The following FGF13 variants were observed in gnomAD, a reference collection of about 807,000 sequenced individuals.
FGF13 encodes the protein fibroblast growth factor homologous factor 2.
In FGF13, 2 loss-of-function variants were observed where a neutral mutation model predicts 19.5. That is an observed-to-expected ratio of 0.10 (90% CI 0.04 to 0.32). The LOEUF (loss-of-function observed/expected upper bound fraction) is 0.32. Among genes scored for constraint, FGF13 ranks in the 10% least tolerant of loss-of-function variants. The probability of loss-of-function intolerance (pLI) is 1.00; values close to 1 mark genes in which losing one functional copy is unlikely to be tolerated. For synonymous variants in FGF13, 72 were observed against 76.9 expected, an observed-to-expected ratio of 0.94 and a Z score of 0.33; for missense variants, 113 against 192.7, an observed-to-expected ratio of 0.59 and a Z score of 2.45.
At chrX:138,915,527 A>AT (rs2091613451) in intron 1 of FGF13, among the ~76,000 whole-genome samples, 1 of 111,002 alleles carries the variant, frequency 9.0e-6, no homozygotes, top group African/African-American at 3.3e-5. Context: ...ACTTTCCCTC[A>AT]TTTTTTCAAG....
chrX:138,834,690 T>G (rs777697530), intron 3 of FGF13, among the ~76,000 whole-genome samples: 2 of 111,241 alleles, frequency 1.8e-5, no homozygotes, highest in South Asian at 7.7e-4. Flanking sequence ...ATTTCTTGTC[T>G]TCTACTAGCT....
At chrX:139,162,435 AC>A (rs1376988901) in intron 1 of FGF13, among the ~76,000 whole-genome samples, 2 of 112,251 alleles carry the variant, frequency 1.8e-5, no homozygotes, top group Non-Finnish European at 3.8e-5. Context: ...AACCATGAAC[AC>A]CCTAGAAGAA....
intron 1 of FGF13, among the ~76,000 whole-genome samples, chrX:139,001,269 G>C (rs2092071912): frequency 9.0e-6 from 1 of 111,590 alleles, no homozygotes; most frequent in Non-Finnish European, 1.9e-5. Flanking sequence ...TCAGGACTTA[G>C]GGATGTGCAA....
intron 1 of FGF13, among the ~76,000 whole-genome samples, chrX:139,109,356 G>C (rs1367530739): frequency 9.0e-6 from 1 of 111,552 alleles, no homozygotes; most frequent in Non-Finnish European, 1.9e-5. Flanking sequence ...TGTGGAGTAA[G>C]CACTTTATTA....
chrX:138,693,714 T>C (rs142785392), intron 3 of FGF13, among the ~76,000 whole-genome samples: 4,005 of 111,950 alleles, frequency 0.036, 146 homozygotes, highest in African/African-American at 0.12. Flanking sequence ...AATTAACTGA[T>C]ATATATCAAT....
intron 2 of FGF13, among the ~76,000 whole-genome samples, chrX:138,706,773 T>C (rs2089996409): frequency 8.9e-6 from 1 of 112,113 alleles, no homozygotes; most frequent in Non-Finnish European, 1.9e-5. Context: ...CCTTCTTGTT[T>C]CATGATGGCT....
intron 3 of FGF13, among the ~76,000 whole-genome samples, chrX:138,783,350 A>C (rs1330642182): frequency 9.6e-3 from 712 of 74,082 alleles, no homozygotes; most frequent in Admixed American, 0.011. Flanking sequence ...TGCACAGCAA[A>C]AGAAACTACC....
chrX:138,757,694 A>G (rs753546201), intron 3 of FGF13, among the ~76,000 whole-genome samples: 1 of 111,497 alleles, frequency 9.0e-6, no homozygotes, highest in African/African-American at 3.3e-5. Context: ...AAGGAAGACA[A>G]TATACTGAGT....
chrX:138,807,646 G>A (rs775327942), intron 3 of FGF13, among the ~76,000 whole-genome samples: 31 of 111,722 alleles, frequency 2.8e-4, no homozygotes, highest in Non-Finnish European at 4.9e-4. Context: ...GACACAGACT[G>A]GAAAACTGGA....
chrX:138,731,447 T>TA (rs531760267), intron 1 of FGF13, among the ~76,000 whole-genome samples: 980 of 91,406 alleles, frequency 0.011, 4 homozygotes, highest in Non-Finnish European at 0.016. Flanking sequence ...AAGTCATGAG[T>TA]AAAAAAAAAA....
intron 2 of FGF13, among the ~76,000 whole-genome samples, chrX:138,863,662 G>A (rs1340242780): frequency 8.9e-6 from 1 of 112,033 alleles, no homozygotes; most frequent in Non-Finnish European, 1.9e-5. Context: ...CATTGAAGGT[G>A]TGTGCTATGA....
intron 3 of FGF13, among the ~76,000 whole-genome samples, chrX:138,762,024 C>T (rs780594978): frequency 3.7e-5 from 4 of 108,952 alleles, no homozygotes; most frequent in African/African-American, 1.3e-4. Flanking sequence ...AGTATAGTGG[C>T]CACTTTCTAT....
intron 1 of FGF13, among the ~76,000 whole-genome samples, chrX:138,733,468 A>G (rs2090248566): frequency 1.8e-5 from 2 of 111,754 alleles, no homozygotes; most frequent in South Asian, 3.7e-4. Flanking sequence ...AGATCTTTCA[A>G]TCAGAATGGT....
intron 3 of FGF13, among the ~76,000 whole-genome samples, chrX:138,670,331 A>G (rs2089598437): frequency 8.9e-6 from 1 of 112,138 alleles, no homozygotes; most frequent in Non-Finnish European, 1.9e-5. Context: ...AATGACACTG[A>G]GAAAGAAACT....
At chrX:138,884,796 G>A (rs1176478106) in intron 1 of FGF13, among the ~76,000 whole-genome samples, 1 of 111,645 alleles carries the variant, frequency 9.0e-6, no homozygotes, top group Non-Finnish European at 1.9e-5. Flanking sequence ...ACTAAAAGGA[G>A]GCATCTAATG....
intron 3 of FGF13, among the ~76,000 whole-genome samples, chrX:138,778,463 C>T (rs979421642): frequency 6.3e-5 from 7 of 111,905 alleles, no homozygotes; most frequent in African/African-American, 9.7e-5. Context: ...TGCAGCACAC[C>T]GTGCGCGAGC....
chrX:139,075,401 C>T (rs1307936941), intron 1 of FGF13, among the ~76,000 whole-genome samples: 2 of 112,088 alleles, frequency 1.8e-5, no homozygotes, highest in Non-Finnish European at 3.8e-5. Flanking sequence ...GAGCTTTCCT[C>T]ATACACAGAA....
At chrX:138,890,681 C>T (rs1334310269) in intron 1 of FGF13, among the ~76,000 whole-genome samples, 1 of 111,528 alleles carries the variant, frequency 9.0e-6, no homozygotes, top group East Asian at 2.8e-4. Context: ...TGAAATACAC[C>T]ATTTCAGGAA....
At chrX:138,908,054 T>C (rs111524902) in intron 1 of FGF13, among the ~76,000 whole-genome samples, 3,941 of 55,007 alleles carry the variant, frequency 0.072, 88 homozygotes, top group Non-Finnish European at 0.12. Flanking sequence ...GGTGATCTTT[T>C]TCTTCTTAAT....
Sources: gnomAD v4.1 joint callset for allele counts (sites outside exome capture counted in the v4.1 genomes callset) on GRCh38, gnomAD v4.1.1 for gene constraint, MANE v1.5 for transcripts, NCBI Gene and HGNC (gene_info 2026-07-23, HGNC 2026-07-21) for gene names.